Variants in SPOCK1 observed in about 807,000 individuals in gnomAD.
The protein encoded by SPOCK1 is testican-1.
Under a neutral mutation model 55.3 loss-of-function variants are expected in SPOCK1, and 23 were observed. That is an observed-to-expected ratio of 0.42 (90% CI 0.30 to 0.59). The LOEUF is 0.59. Among genes scored for constraint, SPOCK1 ranks in the 20% least tolerant of loss-of-function variants. SPOCK1 has a pLI of 0.22. For missense variants in SPOCK1, 499 were observed against 552.5 expected, an observed-to-expected ratio of 0.90 and a Z score of 0.97; for synonymous variants, 226 against 221.0, an observed-to-expected ratio of 1.02 and a Z score of -0.20.
chr5:137,067,939 G>T, intron 5 of SPOCK1, 110 bp from the exon 6 acceptor site: 1 of 822,138 alleles, frequency 1.2e-6, no homozygotes. Context: ...AGACAAAGCA[G>T]GGAGAGGTCG....
intron 3 of SPOCK1, among the ~76,000 whole-genome samples, chr5:137,197,164 G>A (rs1755317950): frequency 6.6e-6 from 1 of 152,164 alleles, no homozygotes; most frequent in South Asian, 2.1e-4. Flanking sequence ...ATGAATCTCT[G>A]CATTCATACA....
At chr5:137,342,102 C>T (rs1469730283) in intron 2 of SPOCK1, among the ~76,000 whole-genome samples, 3 of 152,162 alleles carry the variant, frequency 2.0e-5, no homozygotes, top group African/African-American at 2.4e-5. Context: ...ATACTCTCAG[C>T]AAAGAGCGTT....
intron 2 of SPOCK1, among the ~76,000 whole-genome samples, chr5:137,377,389 T>C (rs185892139): frequency 1.3e-5 from 2 of 152,302 alleles, no homozygotes; most frequent in Admixed American, 1.3e-4. Context: ...CTGCAGAGCC[T>C]TCTGGCCATC....
intron 2 of SPOCK1, among the ~76,000 whole-genome samples, chr5:137,427,948 A>T (rs1027109446): frequency 2.7e-5 from 4 of 150,432 alleles, no homozygotes; most frequent in Admixed American, 6.6e-5. Flanking sequence ...TTGGCTACTC[A>T]GCAAGTCATT....
chr5:136,988,161 C>T (rs557828110), intron 8 of SPOCK1, among the ~76,000 whole-genome samples: 6 of 152,266 alleles, frequency 3.9e-5, no homozygotes, highest in South Asian at 2.1e-4. Context: ...GATGAAAATA[C>T]GGACAGTTGA....
intron 2 of SPOCK1, among the ~76,000 whole-genome samples, chr5:137,366,690 T>C (rs1751074198): frequency 6.6e-6 from 1 of 152,206 alleles, no homozygotes; most frequent in African/African-American, 2.4e-5. Context: ...CTGCTTCGAA[T>C]GGGAAGGGCT....
chr5:137,031,236 C>A (rs910198036), intron 6 of SPOCK1, among the ~76,000 whole-genome samples: 1 of 152,170 alleles, frequency 6.6e-6, no homozygotes, highest in African/African-American at 2.4e-5. Context: ...TTATTAAATA[C>A]CACCTCACAC....
At chr5:137,412,225 A>C (rs1752221847) in intron 2 of SPOCK1, among the ~76,000 whole-genome samples, 1 of 152,090 alleles carries the variant, frequency 6.6e-6, no homozygotes, top group Admixed American at 6.6e-5. Context: ...ACAGGTTTGC[A>C]CTCTGCAGGC....
intron 3 of SPOCK1, among the ~76,000 whole-genome samples, chr5:137,209,267 A>G (rs1755568791): frequency 6.6e-6 from 1 of 152,168 alleles, no homozygotes; most frequent in African/African-American, 2.4e-5. Context: ...ACTATCTCCT[A>G]TCTCCAAAAT....
chr5:137,205,561 T>C (rs983913087), intron 3 of SPOCK1, among the ~76,000 whole-genome samples: 1 of 152,242 alleles, frequency 6.6e-6, no homozygotes, highest in Middle Eastern at 3.2e-3. Flanking sequence ...AGTGGAACTA[T>C]GCACTTGGGA....
At chr5:137,072,326 A>G (rs1308190638) in intron 5 of SPOCK1, among the ~76,000 whole-genome samples, 3 of 152,246 alleles carry the variant, frequency 2.0e-5, no homozygotes, top group African/African-American at 4.8e-5. Flanking sequence ...TTTAAACATT[A>G]TACTAGAACC....
intron 4 of SPOCK1, among the ~76,000 whole-genome samples, chr5:137,124,125 G>A (rs928004006): frequency 5.3e-5 from 8 of 152,168 alleles, no homozygotes; most frequent in African/African-American, 1.7e-4. Context: ...ACCACAAGAC[G>A]AAGAAAATGG....
intron 3 of SPOCK1, among the ~76,000 whole-genome samples, chr5:137,187,591 C>A (rs1026906010): frequency 3.9e-5 from 6 of 152,134 alleles, no homozygotes; most frequent in African/African-American, 1.4e-4. Flanking sequence ...CTACCCCCAA[C>A]GCAACTGTAA....
chr5:137,040,835 T>C (rs1751982125), intron 6 of SPOCK1, among the ~76,000 whole-genome samples: 1 of 152,180 alleles, frequency 6.6e-6, no homozygotes, highest in Admixed American at 6.5e-5. Flanking sequence ...CTCATCAAGA[T>C]GGTCATGCCC....
chr5:137,403,019 C>G (rs1359188077), intron 2 of SPOCK1, among the ~76,000 whole-genome samples: 1 of 152,244 alleles, frequency 6.6e-6, no homozygotes, highest in East Asian at 1.9e-4. Flanking sequence ...CCAAAGGTCA[C>G]ACAGCTGATG....
intron 5 of SPOCK1, among the ~76,000 whole-genome samples, chr5:137,078,643 A>T (rs910330937): frequency 4.6e-5 from 7 of 152,274 alleles, no homozygotes; most frequent in African/African-American, 1.2e-4. Context: ...CCTCCTCACT[A>T]AAGATAATCC....
At chr5:137,456,013 G>A in intron 2 of SPOCK1, among the ~76,000 whole-genome samples, 1 of 152,060 alleles carries the variant, frequency 6.6e-6, no homozygotes, top group East Asian at 1.9e-4. Context: ...GGGCAACAGA[G>A]TAAGACCCTA....
intron 5 of SPOCK1, among the ~76,000 whole-genome samples, chr5:137,072,018 C>G (rs1752630977): frequency 6.6e-6 from 1 of 152,108 alleles, no homozygotes; most frequent in Non-Finnish European, 1.5e-5. Context: ...AAGAGAGAGA[C>G]TCTAAGGAAT....
At chr5:137,085,998 G>A (rs1752955241) in intron 5 of SPOCK1, among the ~76,000 whole-genome samples, 1 of 152,098 alleles carries the variant, frequency 6.6e-6, no homozygotes, top group Admixed American at 6.5e-5. Context: ...ATAGACTAGA[G>A]GTAATAGTAC....
Sources: allele counts gnomAD v4.1 joint callset (sites outside exome capture counted in the v4.1 genomes callset), GRCh38; gene constraint gnomAD v4.1.1; transcripts MANE v1.5; gene names NCBI Gene and HGNC (gene_info 2026-07-23, HGNC 2026-07-21).